The following NPAS3 variants were observed in gnomAD, a reference collection of about 807,000 sequenced individuals.
NPAS3 encodes the protein neuronal PAS domain-containing protein 3.
NPAS3 carries 14 observed loss-of-function variants against 73.1 expected under a neutral mutation model. The ratio of observed to expected loss-of-function variants is 0.19; its 90% confidence interval spans 0.13 to 0.30. NPAS3 has a LOEUF of 0.30. Among genes scored for constraint, NPAS3 ranks in the 10% least tolerant of loss-of-function variants. NPAS3 has a pLI of 1.00. For synonymous variants in NPAS3, 620 were observed against 541.5 expected (o/e 1.14, Z -2.01); for missense variants, 1,096 against 1,250.0 (o/e 0.88, Z 1.86).
intron 3 of NPAS3, among the ~76,000 whole-genome samples, chr14:33,289,139 C>G (rs73254997): frequency 0.029 from 4,347 of 152,182 alleles, 167 homozygotes; most frequent in African/African-American, 0.091. Flanking sequence ...TGTACTTAAT[C>G]CTTATAATCC....
chr14:33,270,106 G>A (rs1031739722), intron 3 of NPAS3, among the ~76,000 whole-genome samples: 3 of 152,084 alleles, frequency 2.0e-5, no homozygotes, highest in Non-Finnish European at 4.4e-5. Flanking sequence ...ATGGAATTAA[G>A]GAAAGCGGTT....
chr14:33,449,848 A>C (rs1408571447), intron 4 of NPAS3, among the ~76,000 whole-genome samples: 1 of 152,174 alleles, frequency 6.6e-6, no homozygotes, highest in Non-Finnish European at 1.5e-5. Flanking sequence ...GCACTTAATC[A>C]GTGATAAAAC....
intron 3 of NPAS3, among the ~76,000 whole-genome samples, chr14:33,346,264 C>T (rs372880913): frequency 6.6e-6 from 1 of 150,804 alleles, no homozygotes; most frequent in Non-Finnish European, 1.5e-5. Flanking sequence ...TACAGTGGCT[C>T]GTGCCTGTAA....
At chr14:32,991,992 G>C (rs749010184) in intron 1 of NPAS3, among the ~76,000 whole-genome samples, 2 of 152,246 alleles carry the variant, frequency 1.3e-5, no homozygotes, top group Non-Finnish European at 2.9e-5. Context: ...CAGATGGAAT[G>C]CTTGTCTTAG....
chr14:33,752,038 A>C (rs2061978933), intron 7 of NPAS3, among the ~76,000 whole-genome samples: 1 of 152,186 alleles, frequency 6.6e-6, no homozygotes, highest in Admixed American at 6.6e-5. Context: ...CTCCCCAAAA[A>C]ATAAACCTTT....
chr14:33,435,785 G>C (rs938445099), intron 4 of NPAS3, among the ~76,000 whole-genome samples: 3 of 152,118 alleles, frequency 2.0e-5, no homozygotes, highest in Non-Finnish European at 4.4e-5. Flanking sequence ...GATGTACATA[G>C]TGTTATAATG....
At chr14:33,338,833 A>G (rs774588707) in intron 3 of NPAS3, among the ~76,000 whole-genome samples, 2 of 152,170 alleles carry the variant, frequency 1.3e-5, no homozygotes, top group Non-Finnish European at 2.9e-5. Flanking sequence ...CCATACTCAA[A>G]CAAAAATTCT....
intron 3 of NPAS3, among the ~76,000 whole-genome samples, chr14:33,329,349 G>A (rs1566801717): frequency 6.6e-6 from 1 of 152,150 alleles, no homozygotes. Flanking sequence ...TAAGTACGAT[G>A]AAGAAATGAA....
chr14:33,114,791 TA>T (rs1442907882), intron 2 of NPAS3, among the ~76,000 whole-genome samples: 1 of 152,090 alleles, frequency 6.6e-6, no homozygotes, highest in Non-Finnish European at 1.5e-5. Context: ...GTCAAGAAAT[TA>T]AAGCAGCAGC....
intron 1 of NPAS3, among the ~76,000 whole-genome samples, chr14:32,961,435 A>C (rs1260985944): frequency 6.6e-6 from 1 of 151,886 alleles, no homozygotes; most frequent in African/African-American, 2.4e-5. Context: ...AGAAAAAAAA[A>C]ATTGAATTCA....
chr14:33,420,047 A>G (rs1296554471), intron 4 of NPAS3, among the ~76,000 whole-genome samples: 1 of 152,000 alleles, frequency 6.6e-6, no homozygotes, highest in Non-Finnish European at 1.5e-5. Flanking sequence ...ATGTTTCAAC[A>G]TATTTGTTTT....
intron 7 of NPAS3, among the ~76,000 whole-genome samples, chr14:33,766,271 C>A (rs1212655940): frequency 6.6e-6 from 1 of 152,100 alleles, no homozygotes; most frequent in African/African-American, 2.4e-5. Flanking sequence ...CTGTGCCTTC[C>A]TTATGTATAA....
At chr14:33,468,112 A>G (rs1439921118) in intron 4 of NPAS3, among the ~76,000 whole-genome samples, 4 of 152,312 alleles carry the variant, frequency 2.6e-5, no homozygotes, top group African/African-American at 9.6e-5. Flanking sequence ...GTTTCCTCCC[A>G]GCAGAATTGT....
chr14:33,382,483 TTTAGAAAGTATATATAAC>T (rs2046599120), intron 4 of NPAS3, among the ~76,000 whole-genome samples: 1 of 152,144 alleles, frequency 6.6e-6, no homozygotes, highest in African/African-American at 2.4e-5. Context: ...GATTATTCAT[TTTAGAAAGTATATATAAC>T]CAGCCTCCTC....
chr14:33,657,029 T>A (rs1186496352), intron 5 of NPAS3, among the ~76,000 whole-genome samples: 1 of 152,208 alleles, frequency 6.6e-6, no homozygotes, highest in Non-Finnish European at 1.5e-5. Flanking sequence ...AGGAATATTA[T>A]TTGCCCTTAA....
intron 2 of NPAS3, among the ~76,000 whole-genome samples, chr14:33,123,692 T>C (rs1595497045): frequency 6.6e-6 from 1 of 151,998 alleles, no homozygotes; most frequent in East Asian, 1.9e-4. Context: ...GAAATAATGG[T>C]AAGCTTAAAA....
intron 1 of NPAS3, among the ~76,000 whole-genome samples, chr14:33,034,207 T>C (rs1467813007): frequency 6.6e-6 from 1 of 152,054 alleles, no homozygotes; most frequent in Middle Eastern, 3.3e-3. Context: ...TATGTATTAT[T>C]ACATGAAATC....
rs61973016 is a variant in NPAS3 at position 33,745,236 on chromosome 14, C to G, written c.852+9904C>G. ...TGCACTCCAGCCTAGGTGACAGAGC[C>G]AGACCAGAGAAGAACCACAGTATCT... On this transcript the variant is annotated intron_variant, in intron 7 of 11. Transcript: ENST00000356141. Among the ~76,000 whole-genome samples the G allele has an allele frequency of 2.5e-3, 381 of 152,220 alleles. 1 individual carries two copies. The highest frequency in any genetic ancestry group is 4.4e-3 in the Non-Finnish European group (296 of 68,000).
chr14:33,616,932 G>A (rs767907148), intron 5 of NPAS3, among the ~76,000 whole-genome samples: 24 of 152,170 alleles, frequency 1.6e-4, no homozygotes, highest in Admixed American at 9.2e-4. Flanking sequence ...CAGTTTTAGA[G>A]TTAGTGATGA....
Sources: gnomAD v4.1 joint callset for allele counts (sites outside exome capture counted in the v4.1 genomes callset) on GRCh38, gnomAD v4.1.1 for gene constraint, MANE v1.5 for transcripts, NCBI Gene and HGNC (gene_info 2026-07-23, HGNC 2026-07-21) for gene names.